Variants in CNTNAP2 observed in about 807,000 individuals in gnomAD.
CNTNAP2 encodes contactin-associated protein-like 2.
A neutral mutation model predicts 155.2 loss-of-function variants in CNTNAP2; 98 were observed. The observed-to-expected ratio is 0.63, with a 90% CI of 0.54 to 0.75. The LOEUF (loss-of-function observed/expected upper bound fraction) is 0.75. Ranked by LOEUF, CNTNAP2 falls within the 30% of genes least tolerant of loss-of-function variation. The probability of loss-of-function intolerance (pLI) is 0.00; values close to 1 mark genes in which losing one functional copy is unlikely to be tolerated. For missense variants in CNTNAP2, 1,727 were observed against 1,688.1 expected, an observed-to-expected ratio of 1.02 and a Z score of -0.40; for synonymous variants, 651 against 631.2, an observed-to-expected ratio of 1.03 and a Z score of -0.47.
chr7:147,871,934 A>C (rs1284229009), intron 13 of CNTNAP2, among the ~76,000 whole-genome samples: 1 of 152,074 alleles, frequency 6.6e-6, no homozygotes, highest in East Asian at 1.9e-4. Context: ...CTACCTCGAC[A>C]TGCTCCTGGG....
chr7:146,587,277 A>G (rs574661737), intron 1 of CNTNAP2, among the ~76,000 whole-genome samples: 8 of 152,092 alleles, frequency 5.3e-5, no homozygotes, highest in Non-Finnish European at 1.2e-4. Context: ...TTAGCTGTAC[A>G]TATTTTCTAC....
chr7:146,613,774 C>T (rs569582892), intron 1 of CNTNAP2, among the ~76,000 whole-genome samples: 1 of 152,112 alleles, frequency 6.6e-6, no homozygotes, highest in African/African-American at 2.4e-5. Flanking sequence ...TATTGGACAC[C>T]GTGGGAATCA....
chr7:146,483,131 C>A (rs576501544), intron 1 of CNTNAP2, among the ~76,000 whole-genome samples: 1 of 150,336 alleles, frequency 6.7e-6, no homozygotes, highest in Non-Finnish European at 1.5e-5. Context: ...AAAAAATTAG[C>A]CGGGCATGGT....
At chr7:147,486,390 G>A (rs903970659) in intron 11 of CNTNAP2, among the ~76,000 whole-genome samples, 10 of 152,130 alleles carry the variant, frequency 6.6e-5, no homozygotes, top group African/African-American at 2.4e-4. Context: ...TGATGTCTCT[G>A]ACTGGACCCT....
At chr7:146,814,325 C>T (rs2129194552) in intron 2 of CNTNAP2, among the ~76,000 whole-genome samples, 1 of 152,126 alleles carries the variant, frequency 6.6e-6, no homozygotes, top group East Asian at 1.9e-4. Flanking sequence ...ATCTCTTTGT[C>T]TCTAAAGTAA....
chr7:147,731,645 C>T (rs1796741282), intron 13 of CNTNAP2, among the ~76,000 whole-genome samples: 1 of 152,106 alleles, frequency 6.6e-6, no homozygotes, highest in Non-Finnish European at 1.5e-5. Context: ...AGGAGTAATC[C>T]TGACTTTCAA....
intron 13 of CNTNAP2, among the ~76,000 whole-genome samples, chr7:147,674,878 C>T (rs1795843020): frequency 6.6e-6 from 1 of 151,804 alleles, no homozygotes. Context: ...TTTATTTCAG[C>T]ATATCTTTCT....
At position 146,606,550 on chromosome 7, in the gene CNTNAP2, C is replaced by T. The variant is rs116727349; in HGVS notation, c.98-167721C>T. Among the ~76,000 whole-genome samples the T allele has an allele frequency of 8.4e-3, 1,282 of 152,212 alleles. 13 individuals are homozygous for T. The highest frequency in any genetic ancestry group is 0.029 in the African/African-American group (1,217 of 41,542). ...TAGTCTGTTGATTGATTAAGCCTAG[C>T]CATAAGTCTATAACATTCATTTTTA... On this transcript the variant is annotated intron_variant, in intron 1 of 23. Coordinates refer to ENST00000361727, the MANE Select transcript of CNTNAP2 (RefSeq NM_014141.6).
intron 1 of CNTNAP2, among the ~76,000 whole-genome samples, chr7:146,413,761 G>A (rs559917956): frequency 8.6e-5 from 13 of 151,812 alleles, no homozygotes; most frequent in Admixed American, 4.6e-4. Flanking sequence ...TAATTTTCCC[G>A]AGTGGGGCAG....
intron 3 of CNTNAP2, among the ~76,000 whole-genome samples, chr7:146,866,227 A>C (rs1795202266): frequency 6.6e-6 from 1 of 152,154 alleles, no homozygotes; most frequent in Non-Finnish European, 1.5e-5. Context: ...CGGAAAGTCC[A>C]AGATAAAAGA....
intron 13 of CNTNAP2, among the ~76,000 whole-genome samples, chr7:147,795,440 G>A (rs1797877931): frequency 6.6e-6 from 1 of 151,836 alleles, no homozygotes; most frequent in Admixed American, 6.6e-5. Context: ...TGCTTTCACT[G>A]CATTAACTAA....
intron 3 of CNTNAP2, among the ~76,000 whole-genome samples, chr7:146,885,380 T>C (rs1445798798): frequency 6.6e-6 from 1 of 152,094 alleles, no homozygotes; most frequent in Non-Finnish European, 1.5e-5. Context: ...CTAATGTAAA[T>C]AATAATATAG....
intron 3 of CNTNAP2, among the ~76,000 whole-genome samples, chr7:146,949,185 A>G (rs1300482969): frequency 2.0e-5 from 3 of 152,178 alleles, no homozygotes; most frequent in African/African-American, 7.2e-5. Flanking sequence ...TTGAAAGCCA[A>G]TCAAAGCATA....
At chr7:147,646,804 A>G (rs1795372012) in intron 13 of CNTNAP2, among the ~76,000 whole-genome samples, 1 of 152,238 alleles carries the variant, frequency 6.6e-6, no homozygotes, top group African/African-American at 2.4e-5. Flanking sequence ...ACTTTAGAAG[A>G]GGACAAAGTA....
chr7:148,011,777 G>A (rs949540151), intron 15 of CNTNAP2, among the ~76,000 whole-genome samples: 4 of 152,174 alleles, frequency 2.6e-5, no homozygotes, highest in Non-Finnish European at 5.9e-5. Context: ...GCAGGCCTGT[G>A]GTTATGAACT....
chr7:147,447,462 C>T (rs948423515), intron 10 of CNTNAP2, among the ~76,000 whole-genome samples: 2 of 152,200 alleles, frequency 1.3e-5, no homozygotes, highest in South Asian at 4.1e-4. Flanking sequence ...GTCACCCAGG[C>T]TGGAGTGCGG....
At chr7:147,377,021 T>C (rs1796445960) in intron 9 of CNTNAP2, among the ~76,000 whole-genome samples, 1 of 151,974 alleles carries the variant, frequency 6.6e-6, no homozygotes. Flanking sequence ...AGAAATAGTA[T>C]TTTGCTAGAT....
chr7:148,405,207 A>G (rs532237086), intron 22 of CNTNAP2, among the ~76,000 whole-genome samples: 2 of 152,232 alleles, frequency 1.3e-5, no homozygotes, highest in East Asian at 3.9e-4. Flanking sequence ...CCAGGAAGGA[A>G]GGGGCAGGAG....
intron 12 of CNTNAP2, among the ~76,000 whole-genome samples, chr7:147,596,755 A>G (rs7802526): frequency 0.68 from 103,745 of 151,966 alleles, 35,860 homozygotes; most frequent in African/African-American, 0.78. Context: ...GGACATCCTT[A>G]GGCATTCTAA....
Sources: gnomAD v4.1 joint callset for allele counts (sites outside exome capture counted in the v4.1 genomes callset) on GRCh38, gnomAD v4.1.1 for gene constraint, MANE v1.5 for transcripts, NCBI Gene and HGNC (gene_info 2026-07-23, HGNC 2026-07-21) for gene names.